Variants in KCNAB2 observed in about 807,000 individuals in gnomAD.
KCNAB2 encodes the protein potassium voltage-gated channel subfamily A regulatory beta subunit 2.
A neutral mutation model predicts 63.6 loss-of-function variants in KCNAB2; 29 were observed. The observed-to-expected ratio is 0.46, with a 90% CI of 0.34 to 0.62. KCNAB2 has a LOEUF of 0.62. Among genes scored for constraint, KCNAB2 ranks in the 20% least tolerant of loss-of-function variants. KCNAB2 has a pLI of 0.01. For missense variants in KCNAB2, 359 were observed against 563.9 expected (o/e 0.64, Z 3.68); for synonymous variants, 222 against 224.2 (o/e 0.99, Z 0.09).
chr1:6,009,137 G>C (rs561281246), intron 1 of KCNAB2, among the ~76,000 whole-genome samples: 2 of 152,326 alleles, frequency 1.3e-5, no homozygotes, highest in East Asian at 3.9e-4. Flanking sequence ...ACATGAGCTA[G>C]GGTCACCCAG....
intron 1 of KCNAB2, chr1:6,025,916 GC>G (rs1659133754): frequency 1.3e-5 from 2 of 153,356 alleles, no homozygotes; most frequent in South Asian, 2.9e-4. Flanking sequence ...CCGGCACACA[GC>G]CGATCCCGGC....
rs1051891590 is a variant in KCNAB2 at position 6,101,031 on chromosome 1, C to G, written c.*2457C>G. On this transcript the variant is annotated 3_prime_UTR_variant, in exon 16 of 16. Transcript: ENST00000378083. ...TAATGTGCTTTTTCTCTCCCCGAGT[C>G]TTTTTTTTTAAACCTACCGTGGTTC... The G allele has an allele frequency of 4.1e-5, 4 of 97,378 alleles. No homozygotes were observed. Among genetic ancestry groups the G allele is most frequent in the Non-Finnish European group, 9.5e-5 (4 of 42,200 alleles). The allele number at this position is 97,378 out of a possible 1,614,324, so 6.0% of individuals were successfully genotyped here.
chr1:6,072,874 C>CCTGCCTCCCAAGGGGTGT, intron 3 of KCNAB2, 76 bp downstream of exon 3: 1 of 1,442,572 alleles, frequency 6.9e-7, no homozygotes, highest in Non-Finnish European at 9.6e-7. Flanking sequence ...AACTGGACAC[C>CCTGCCTCCCAAGGGGTGT]CCTTGGGAGG....
intron 1 of KCNAB2, among the ~76,000 whole-genome samples, chr1:6,012,084 G>A (rs1382633905): frequency 1.3e-5 from 2 of 151,194 alleles, no homozygotes; most frequent in Non-Finnish European, 3.0e-5. Flanking sequence ...TGATGAAGGT[G>A]GAGGTGATGA....
chr1:6,006,626 TCCAC>T lies in KCNAB2; in HGVS notation c.-53+13841_-53+13844del, dbSNP rs1557925383. Among the ~76,000 whole-genome samples, 5 of 7,786 alleles carry T rather than the reference TCCAC, an allele frequency of 6.4e-4. 2 individuals are homozygous for T. The highest frequency in any genetic ancestry group is 7.7e-4 in the Non-Finnish European group (3 of 3,874). 5.1% of individuals were successfully genotyped at this position (7,786 alleles called of 152,430 possible). ...CAGCTCAGCTCCCACATCCCCCCAC[TCCAC>T]CCTCACCCCTCAGCTCAGGTCCCAC... On this transcript the variant is annotated intron_variant, in intron 1 of 16. Transcript: ENST00000341524.
At position 6,098,729 on chromosome 1, in the gene KCNAB2, C is replaced by G; in HGVS notation, c.*155C>G. The G allele has an allele frequency of 1.1e-6, 1 of 916,858 alleles. No homozygotes were observed. Among genetic ancestry groups the G allele is most frequent in the Non-Finnish European group, 1.6e-6 (1 of 618,802 alleles). The allele number at this position is 916,858 out of a possible 1,614,324, so 56.8% of individuals were successfully genotyped here. On this transcript the variant is annotated 3_prime_UTR_variant, in exon 16 of 16. Transcript: ENST00000378083. Reference sequence around the variant, plus strand: ...CGGGAAATGATCTCCCAAGTCGCTGCCAGACACCACCCACTGCTTCGCCGG... The same window carrying G: ...CGGGAAATGATCTCCCAAGTCGCTGGCAGACACCACCCACTGCTTCGCCGG...
Position 6,099,533 on chromosome 1 carries a change from G to A in KCNAB2, c.*959G>A, listed in dbSNP as rs1278902514. On this transcript the variant is annotated 3_prime_UTR_variant, in exon 16 of 16. Transcript: ENST00000378083. The stretch of plus-strand genomic sequence containing the variant: ...ACCACGGCAAGTGGCAGCAGGGGCC[G>A]GCCCTGTGCACAAGGATGCACTCCT... 8 of 391,074 alleles carry A rather than the reference G, an allele frequency of 2.0e-5. No homozygotes were observed. Among genetic ancestry groups the A allele is most frequent in the South Asian group, 1.4e-4 (2 of 14,696 alleles). 24.2% of individuals were successfully genotyped at this position (391,074 alleles called of 1,614,324 possible). A position where few individuals can be genotyped will look rare whatever the true frequency, so the allele number is the denominator to read the frequency against.
rs1449242789 is a variant in KCNAB2 at position 6,074,335 on chromosome 1, C to T, written c.300+565C>T. Reference sequence around the variant, plus strand: ...CCCACAATTGGAACAAGAAAGTGAACACTAACAAAAAGCCAGCTTGTATGC... The same window carrying T: ...CCCACAATTGGAACAAGAAAGTGAATACTAACAAAAAGCCAGCTTGTATGC... On this transcript the variant is annotated intron_variant, in intron 4 of 15. Coordinates refer to ENST00000378083, the MANE Select transcript of KCNAB2 (RefSeq NM_001199862.2). This position sits in a 1 kb window ranked among gnomAD's most constrained non-coding sequence, Gnocchi z 4.9. Among the ~76,000 whole-genome samples the T allele has an allele frequency of 6.6e-6, 1 of 152,222 alleles. No individual in the cohort carries two copies. Among genetic ancestry groups the T allele is most frequent in the African/African-American group, 2.4e-5 (1 of 41,458 alleles).
At chr1:6,062,772 G>A (rs1206345074) in intron 2 of KCNAB2, among the ~76,000 whole-genome samples, 1 of 152,216 alleles carries the variant, frequency 6.6e-6, no homozygotes, top group African/African-American at 2.4e-5. Context: ...GGGTTTTCAG[G>A]CAGGTGACTT....
At chr1:6,079,508 G>A (rs1328524545) in intron 4 of KCNAB2, among the ~76,000 whole-genome samples, 1 of 148,582 alleles carries the variant, frequency 6.7e-6, no homozygotes, top group African/African-American at 2.5e-5. Flanking sequence ...AACAGAATGA[G>A]ACTCCATCTC....
rs779308870 is a variant in KCNAB2, at chr1:6,087,445, T to A, written c.426-22T>A. ...CCAGGGGCCGGGCTTATCACACCCCTTCTTTCTCTTCTGTTCCACAGGCGG... is the reference window on the plus strand; with the variant it reads ...CCAGGGGCCGGGCTTATCACACCCCATCTTTCTCTTCTGTTCCACAGGCGG... On this transcript the variant is annotated intron_variant, in intron 6 of 15. Transcript: ENST00000378083. The surrounding 1 kb of genome is among the most constrained non-coding windows in gnomAD (Gnocchi z 6.4). 2.7e-5 allele frequency: 44 copies of A among 1,613,788 alleles called. No individual in the cohort carries two copies. Among genetic ancestry groups the A allele is most frequent in the Non-Finnish European group, 3.4e-5 (40 of 1,179,806 alleles).
intron 1 of KCNAB2, among the ~76,000 whole-genome samples, chr1:6,009,664 G>A (rs116822495): frequency 0.015 from 2,286 of 152,316 alleles, 40 homozygotes; most frequent in African/African-American, 0.049. Context: ...TCTGCCCTGC[G>A]GTTCCACTGT....
At position 6,073,961 on chromosome 1, in the gene KCNAB2, G is replaced by A; in HGVS notation, c.300+191G>A. 3.3e-6 allele frequency: 2 copies of A among 610,658 alleles called. No individual in the cohort carries two copies. The highest frequency in any genetic ancestry group is 1.9e-5 in the South Asian group (1 of 52,382). The allele number at this position is 610,658 out of a possible 1,614,324, so 37.8% of individuals were successfully genotyped here. ...AAGGTGAGCCAGGTGGCCATGGCCAGAGGGGATGCCGAGTCTGGTGCCATC... is the reference window on the plus strand; with the variant it reads ...AAGGTGAGCCAGGTGGCCATGGCCAAAGGGGATGCCGAGTCTGGTGCCATC... On this transcript the variant is annotated intron_variant, in intron 4 of 15. Transcript: ENST00000378083. This position sits in a 1 kb window ranked among gnomAD's most constrained non-coding sequence, Gnocchi z 5.7.
chr1:6,024,666 TG>T lies in KCNAB2; in HGVS notation c.-52-15850del, dbSNP rs1318271555. On this transcript the variant is annotated intron_variant, in intron 1 of 16. Coordinates refer to the KCNAB2 transcript ENST00000341524. This position sits in a 1 kb window ranked among gnomAD's most constrained non-coding sequence, Gnocchi z 5.4. ...GTCTGTGATAGCCGTGAATACAGTC[TG>T]TGTTTGGAGACCCACAGAGTCAGGG... Among the ~76,000 whole-genome samples, 1 of 152,102 alleles carries T rather than the reference TG, an allele frequency of 6.6e-6. No homozygotes were observed. The highest frequency in any genetic ancestry group is 1.5e-5 in the Non-Finnish European group (1 of 68,034).
upstream of KCNAB2, among the ~76,000 whole-genome samples, chr1:6,031,719 T>C (rs1285074956): frequency 2.0e-5 from 1 of 50,882 alleles, no homozygotes; most frequent in African/African-American, 5.6e-5. The surrounding 1 kb of genome is among the most constrained non-coding windows in gnomAD (Gnocchi z 4.1). Flanking sequence ...AGGCCTCATC[T>C]CTATTAAAAA....
At chr1:6,065,116 G>A (rs372248459) in intron 2 of KCNAB2, among the ~76,000 whole-genome samples, 7 of 152,172 alleles carry the variant, frequency 4.6e-5, no homozygotes, top group Admixed American at 2.6e-4. Flanking sequence ...CCCACTCTCC[G>A]GAGGGAGAAC....
intron 4 of KCNAB2, among the ~76,000 whole-genome samples, chr1:6,077,136 T>C (rs1232118885): frequency 6.6e-6 from 1 of 151,634 alleles, no homozygotes; most frequent in Non-Finnish European, 1.5e-5. Context: ...CAGTGAGCCA[T>C]GATCGCACCA....
Position 6,071,953 on chromosome 1 carries a change from C to T in KCNAB2, c.219-802C>T, listed in dbSNP as rs999426083. The stretch of plus-strand genomic sequence containing the variant: ...GACAGGATGCCTGGGGACTGCCTGG[C>T]CTGCTGCAACCCTGCAGGCTCCTAG... On this transcript the variant is annotated intron_variant, in intron 2 of 15. Transcript: ENST00000378083. This position sits in a 1 kb window ranked among gnomAD's most constrained non-coding sequence, Gnocchi z 8.5. Among the ~76,000 whole-genome samples the T allele has an allele frequency of 6.6e-6, 1 of 152,194 alleles. No individual in the cohort carries two copies. Among genetic ancestry groups the T allele is most frequent in the African/African-American group, 2.4e-5 (1 of 41,448 alleles).
intron 1 of KCNAB2, among the ~76,000 whole-genome samples, chr1:6,016,237 C>T (rs1006805144): frequency 2.6e-5 from 4 of 152,144 alleles, no homozygotes; most frequent in Admixed American, 6.5e-5. Flanking sequence ...CAAGCAGGGT[C>T]CCCCAGACCA....
Sources: gnomAD v4.1 joint callset for allele counts (sites outside exome capture counted in the v4.1 genomes callset) on GRCh38, gnomAD v4.1.1 for gene constraint, Gnocchi (gnomAD v3.1) non-coding constraint, MANE v1.5 for transcripts, NCBI Gene and HGNC (gene_info 2026-07-23, HGNC 2026-07-21) for gene names.